The following TTC27 variants were observed in gnomAD, a reference collection of about 807,000 sequenced individuals.
The protein encoded by TTC27 is tetratricopeptide repeat protein 27.
TTC27 carries 79 observed loss-of-function variants against 115.9 expected under a neutral mutation model. The observed-to-expected ratio is 0.68, with a 90% confidence interval of 0.57 to 0.82. TTC27 has a LOEUF of 0.82. Ranked by LOEUF, TTC27 falls within the 40% of genes least tolerant of loss-of-function variation. TTC27 has a pLI of 0.00. For missense variants in TTC27, 1,054 were observed against 993.1 expected (o/e 1.06, Z -0.82); for synonymous variants, 401 against 356.0 (o/e 1.13, Z -1.42).
chr2:32,655,138 G>A (rs1241701461), intron 5 of TTC27, among the ~76,000 whole-genome samples: 2 of 151,618 alleles, frequency 1.3e-5, no homozygotes, highest in East Asian at 1.9e-4. Flanking sequence ...ATGGGTGCCC[G>A]CCACCATGTC....
At chr2:32,670,347 A>G (rs1020832022) in intron 7 of TTC27, among the ~76,000 whole-genome samples, 2 of 152,234 alleles carry the variant, frequency 1.3e-5, no homozygotes, top group African/African-American at 4.8e-5. Context: ...CCACAATGAA[A>G]AAAAGTTTCT....
At chr2:32,663,531 G>C (rs1221624261) in intron 5 of TTC27, among the ~76,000 whole-genome samples, 1 of 152,140 alleles carries the variant, frequency 6.6e-6, no homozygotes, top group Non-Finnish European at 1.5e-5. Flanking sequence ...GATGAGCCTG[G>C]TACCTCAGTT....
intron 9 of TTC27, among the ~76,000 whole-genome samples, chr2:32,684,891 G>T (rs974230946): frequency 2.2e-5 from 2 of 91,260 alleles, no homozygotes; most frequent in Non-Finnish European, 4.6e-5. Flanking sequence ...CTGGTGAAAA[G>T]AAAACATAAA....
At chr2:32,769,882 G>A (rs1309652438) in intron 13 of TTC27, among the ~76,000 whole-genome samples, 1 of 152,212 alleles carries the variant, frequency 6.6e-6, no homozygotes, top group African/African-American at 2.4e-5. Flanking sequence ...TAAATGGAGA[G>A]AGGAGGCATG....
In TTC27 at chr2:32,668,036, A is replaced by G. The variant is rs191680536; in HGVS notation, c.939+1268A>G. Among the ~76,000 whole-genome samples the G allele has an allele frequency of 4.6e-3, 696 of 151,862 alleles. 8 individuals carry two copies. Among genetic ancestry groups the G allele is most frequent in the African/African-American group, 0.016 (680 of 41,464 alleles). ...CCGTCTCTATTAAAAATACAAAAAA[A>G]AAAAATTAACCGGGCGTGGTGGCGG... On this transcript the variant is annotated intron_variant, in intron 7 of 19. Coordinates refer to ENST00000317907, the MANE Select transcript of TTC27 (RefSeq NM_017735.5).
At chr2:32,765,697 C>T (rs552244894) in intron 13 of TTC27, among the ~76,000 whole-genome samples, 36 of 152,306 alleles carry the variant, frequency 2.4e-4, no homozygotes, top group Admixed American at 2.2e-3. Flanking sequence ...TTAGTGCAGC[C>T]ACCTTCATCA....
chr2:32,769,982 A>C (rs1327210624), intron 13 of TTC27, among the ~76,000 whole-genome samples: 1 of 152,110 alleles, frequency 6.6e-6, no homozygotes, highest in African/African-American at 2.4e-5. Flanking sequence ...GTAAATAAGG[A>C]TGTGAATGGT....
At chr2:32,730,548 A>T (rs568734921) in intron 10 of TTC27, among the ~76,000 whole-genome samples, 3 of 33,360 alleles carry the variant, frequency 9.0e-5, no homozygotes, top group East Asian at 1.7e-3. Flanking sequence ...TTAGCAAATT[A>T]AAAAAAAAAA....
chr2:32,708,509 C>T (rs888763825), intron 10 of TTC27, among the ~76,000 whole-genome samples: 3 of 151,524 alleles, frequency 2.0e-5, no homozygotes, highest in Non-Finnish European at 2.9e-5. Context: ...ACACATTTAC[C>T]ATATTGGTCA....
intron 12 of TTC27, among the ~76,000 whole-genome samples, chr2:32,756,163 C>CTGTA (rs553253361): frequency 1.7e-3 from 260 of 152,320 alleles, no homozygotes; most frequent in African/African-American, 6.1e-3. Flanking sequence ...CTACAGTACG[C>CTGTA]TGTAACTGGC....
At chr2:32,664,783 G>A (rs1168667076) in intron 6 of TTC27, among the ~76,000 whole-genome samples, 1 of 151,570 alleles carries the variant, frequency 6.6e-6, no homozygotes, top group Admixed American at 6.6e-5. Flanking sequence ...ACCAAGTTTG[G>A]CCTCTCTGCA....
intron 7 of TTC27, among the ~76,000 whole-genome samples, chr2:32,671,291 T>C (rs886244547): frequency 1.9e-5 from 1 of 52,812 alleles, no homozygotes; most frequent in African/African-American, 6.7e-5. Flanking sequence ...ACGTGAAGGG[T>C]CATTTTTTTT....
chr2:32,711,262 C>T (rs556153709), intron 10 of TTC27, among the ~76,000 whole-genome samples: 2 of 152,220 alleles, frequency 1.3e-5, no homozygotes, highest in East Asian at 1.9e-4. Flanking sequence ...AAGAGAGTTG[C>T]GTAGTCCACT....
At chr2:32,789,203 A>G (rs572767416) in intron 16 of TTC27, among the ~76,000 whole-genome samples, 1 of 152,360 alleles carries the variant, frequency 6.6e-6, no homozygotes, top group African/African-American at 2.4e-5. Flanking sequence ...TAGTTAACTT[A>G]GATGAATTAA....
intron 9 of TTC27, among the ~76,000 whole-genome samples, chr2:32,688,600 A>G (rs1666715427): frequency 6.6e-6 from 1 of 152,158 alleles, no homozygotes. Context: ...AATATGGATA[A>G]AATATTTGAA....
intron 10 of TTC27, among the ~76,000 whole-genome samples, chr2:32,710,319 C>G (rs1469980104): frequency 6.6e-6 from 1 of 151,900 alleles, no homozygotes; most frequent in Non-Finnish European, 1.5e-5. Context: ...TTAGCCATCT[C>G]TTTCAGTAAC....
At chr2:32,712,325 C>A (rs1384948032) in intron 10 of TTC27, among the ~76,000 whole-genome samples, 3 of 152,204 alleles carry the variant, frequency 2.0e-5, no homozygotes, top group Non-Finnish European at 4.4e-5. Context: ...TTATTTCAGG[C>A]TGCAATTTTT....
At chr2:32,774,877 G>A (rs888936683) in intron 13 of TTC27, among the ~76,000 whole-genome samples, 8 of 152,130 alleles carry the variant, frequency 5.3e-5, no homozygotes, top group African/African-American at 1.7e-4. Flanking sequence ...AGCAGTTAAC[G>A]ATCCTAGGAT....
At chr2:32,760,168 C>T (rs1032612708) in intron 13 of TTC27, among the ~76,000 whole-genome samples, 8 of 152,180 alleles carry the variant, frequency 5.3e-5, no homozygotes, top group South Asian at 2.1e-4. Context: ...GCTTACTTTC[C>T]GAACTCTGAA....
Sources: gnomAD v4.1 joint callset for allele counts (sites outside exome capture counted in the v4.1 genomes callset) on GRCh38, gnomAD v4.1.1 for gene constraint, MANE v1.5 for transcripts, NCBI Gene and HGNC (gene_info 2026-07-23, HGNC 2026-07-21) for gene names.